The following ANGPT2 variants were observed in gnomAD, a reference collection of about 807,000 sequenced individuals.
ANGPT2 encodes the protein angiopoietin-2.
In ANGPT2, 28 loss-of-function variants were observed where a neutral mutation model predicts 62.9. The ratio of observed to expected loss-of-function variants is 0.44; its 90% CI spans 0.33 to 0.61. ANGPT2 has a LOEUF of 0.61. Among genes scored for constraint, ANGPT2 ranks in the 20% least tolerant of loss-of-function variants. The pLI, the probability that ANGPT2 is intolerant of heterozygous loss-of-function variation, is 0.03. For missense variants in ANGPT2, 727 were observed against 594.9 expected (o/e 1.22, Z -2.31); for synonymous variants, 284 against 207.8 (o/e 1.37, Z -3.15).
At chr8:6,540,490 C>T (rs980449627) in intron 1 of ANGPT2, among the ~76,000 whole-genome samples, 1 of 152,206 alleles carries the variant, frequency 6.6e-6, no homozygotes, top group Non-Finnish European at 1.5e-5. Context: ...TGTATATTTA[C>T]CAGATGTCTG....
intron 5 of ANGPT2, among the ~76,000 whole-genome samples, chr8:6,516,681 T>C (rs1816333714): frequency 6.6e-6 from 1 of 152,230 alleles, no homozygotes; most frequent in African/African-American, 2.4e-5. Flanking sequence ...CATGTACATA[T>C]ATTGAAGTTA....
chr8:6,522,726 A>T (rs1236790408), intron 3 of ANGPT2, among the ~76,000 whole-genome samples: 1 of 151,554 alleles, frequency 6.6e-6, no homozygotes, highest in Admixed American at 6.6e-5. Flanking sequence ...GTGAGCTGAG[A>T]TTATGCCATT....
Position 6,519,508 on chromosome 8 carries a change from G to T in ANGPT2, c.927+356C>A, listed in dbSNP as rs79164917. ...CCTCTATGGCTGATGCACTATGGTT[G>T]TTCAACCTTCAGTTTTTGGAAGATA... On this transcript the variant is annotated intron_variant, in intron 5 of 8. Transcript: ENST00000629816. Among the ~76,000 whole-genome samples, 880 of 152,310 alleles carry T rather than the reference G, an allele frequency of 5.8e-3. 7 individuals are homozygous for T. Among genetic ancestry groups the T allele is most frequent in the African/African-American group, 0.02 (839 of 41,568 alleles).
chr8:6,524,036 C>T (rs552338447), intron 3 of ANGPT2, among the ~76,000 whole-genome samples: 12 of 152,148 alleles, frequency 7.9e-5, no homozygotes, highest in African/African-American at 2.4e-4. Flanking sequence ...TTGTACAAGG[C>T]CAGTAAATAA....
At chr8:6,554,740 A>G (rs1244272079) in intron 1 of ANGPT2, among the ~76,000 whole-genome samples, 5 of 152,202 alleles carry the variant, frequency 3.3e-5, no homozygotes, top group African/African-American at 1.2e-4. Flanking sequence ...AATTACCATC[A>G]GAGGAGCCCT....
chr8:6,511,345 G>A (rs959245243), intron 7 of ANGPT2, among the ~76,000 whole-genome samples: 4 of 151,852 alleles, frequency 2.6e-5, no homozygotes, highest in Non-Finnish European at 5.9e-5. Context: ...TAACAGTGGA[G>A]TAAAGAGGTA....
intron 2 of ANGPT2, 44 bp from the exon 3 acceptor site, chr8:6,527,720 A>G (rs755515097): frequency 6.6e-7 from 1 of 1,526,250 alleles, no homozygotes; most frequent in East Asian, 2.4e-5. Context: ...TTTTTTAATT[A>G]GTTTAACTTT....
At chr8:6,511,898 T>TC (rs1491556743) in intron 7 of ANGPT2, among the ~76,000 whole-genome samples, 1 of 120,254 alleles carries the variant, frequency 8.3e-6, no homozygotes, top group African/African-American at 3.0e-5. Context: ...TTTTTGTGCT[T>TC]CTTTTTTTTT....
intron 1 of ANGPT2, among the ~76,000 whole-genome samples, chr8:6,552,716 G>C (rs1012988110): frequency 6.6e-6 from 1 of 151,968 alleles, no homozygotes; most frequent in Non-Finnish European, 1.5e-5. Context: ...ACTGATGTAG[G>C]TAAGAAAACT....
chr8:6,531,557 G>T lies in ANGPT2; in HGVS notation c.444+775C>A, dbSNP rs534467223. ...TCCACCCATCTCGGCCTCCCAAAGTGCTGGAATTACAGGCGTGAGCTACTG... is the reference window on the plus strand; with the variant it reads ...TCCACCCATCTCGGCCTCCCAAAGTTCTGGAATTACAGGCGTGAGCTACTG... On this transcript the variant is annotated intron_variant, in intron 2 of 8. Transcript: ENST00000629816. Among the ~76,000 whole-genome samples the T allele has an allele frequency of 2.6e-5, 4 of 152,224 alleles. No individual in the cohort carries two copies. The South Asian group carries it at 6.2e-4, about 24-fold the overall frequency.
chr8:6,516,047 C>G (rs756882760), intron 5 of ANGPT2, among the ~76,000 whole-genome samples: 1 of 152,314 alleles, frequency 6.6e-6, no homozygotes. Context: ...GTTCTGGTCT[C>G]TCTCCAGGAA....
intron 7 of ANGPT2, among the ~76,000 whole-genome samples, chr8:6,511,833 A>C (rs1479072539): frequency 6.6e-6 from 1 of 152,200 alleles, no homozygotes; most frequent in African/African-American, 2.4e-5. Context: ...GTCAGCGTAC[A>C]AGGGTAATGA....
In ANGPT2 at chr8:6,499,848, G is replaced by A. The variant is rs1169773642; in HGVS notation, c.*3253C>T. ...AATAAATCTGCTTGTTGTGTCACTT[G>A]CAGGTGCTATGGTCTTTAGAATTGG... On this transcript the variant is annotated 3_prime_UTR_variant, in exon 9 of 9. Transcript: ENST00000629816. The A allele has an allele frequency of 1.9e-6, 3 of 1,612,544 alleles. No homozygotes were observed. In the African/African-American group the frequency reaches 4.0e-5, roughly 22 times the overall value.
Position 6,527,649 on chromosome 8 carries a change from G to T in ANGPT2, c.472C>A (p.Leu158Ile), listed in dbSNP as rs566633495. The T allele has an allele frequency of 1.3e-5, 21 of 1,613,868 alleles. No individual in the cohort carries two copies. The African/African-American group carries it at 2.3e-4, about 17-fold the overall frequency. ...QVLNQTTRLE[L>I]QLLEHSLSTN... Reference sequence around the variant, plus strand: ...GAGAGGGAGTGTTCCAAGAGCTGAAGTTCAAGTCTCGTGGTCTGATTTAAT... The same window carrying T: ...GAGAGGGAGTGTTCCAAGAGCTGAATTTCAAGTCTCGTGGTCTGATTTAAT... The change falls in exon 3 of 9, where the codon CTT (leucine) becomes ATT (isoleucine). Residue 158 changes from leucine to isoleucine, a missense_variant. Physicochemically the swap from Leu to Ile is conservative, Grantham distance 5. Transcript: ENST00000629816.
At chr8:6,557,792 G>A (rs1266022293) in intron 1 of ANGPT2, among the ~76,000 whole-genome samples, 2 of 151,920 alleles carry the variant, frequency 1.3e-5, no homozygotes, top group Admixed American at 6.6e-5. Context: ...TGGAAATTGT[G>A]AACAGCTAAT....
At chr8:6,520,994 T>A (rs934313783) in intron 4 of ANGPT2, among the ~76,000 whole-genome samples, 184 bp downstream of exon 4, 8 of 152,200 alleles carry the variant, frequency 5.3e-5, no homozygotes, top group African/African-American at 1.9e-4. Context: ...GGGTGTTTGC[T>A]TCATAATAAT....
chr8:6,503,404 C>T (rs1042118378), intron 8 of ANGPT2, 143 bp from the exon 9 acceptor site: 2 of 776,560 alleles, frequency 2.6e-6, no homozygotes, highest in Non-Finnish European at 4.2e-6. Context: ...ATAGGATGTG[C>T]ACTGGCAGAG....
rs1436462623 is a variant in ANGPT2 at position 6,499,934 on chromosome 8, G to C, written c.*3167C>G. 2.5e-6 allele frequency: 4 copies of C among 1,611,986 alleles called. No homozygotes were observed. Among genetic ancestry groups the C allele is most frequent in the Non-Finnish European group, 3.4e-6 (4 of 1,178,546 alleles). On this transcript the variant is annotated 3_prime_UTR_variant, in exon 9 of 9. Coordinates refer to ENST00000629816, the MANE Select transcript of ANGPT2 (RefSeq NM_001118887.2). Reference sequence around the variant, plus strand: ...CACCACTTCCCTGCAGCTCCCGTAAGTCAGATGTTGTTTTACGATGGTAAA... The same window carrying C: ...CACCACTTCCCTGCAGCTCCCGTAACTCAGATGTTGTTTTACGATGGTAAA...
At chr8:6,517,279 A>G (rs890554643) in intron 5 of ANGPT2, among the ~76,000 whole-genome samples, 7 of 152,190 alleles carry the variant, frequency 4.6e-5, no homozygotes, top group Admixed American at 2.6e-4. Context: ...ATCTTTCTAT[A>G]AAGCTTGATG....
Sources: gnomAD v4.1 joint callset for allele counts (sites outside exome capture counted in the v4.1 genomes callset) on GRCh38, gnomAD v4.1.1 for gene constraint, MANE v1.5 for transcripts, NCBI Gene and HGNC (gene_info 2026-07-23, HGNC 2026-07-21) for gene names.